GALNT14: variants seen among roughly 807,000 people sequenced by gnomAD.
The protein encoded by GALNT14 is polypeptide N-acetylgalactosaminyltransferase 14.
Under a neutral mutation model 77.5 loss-of-function variants are expected in GALNT14, and 60 were observed. The ratio of observed to expected loss-of-function variants is 0.77; its 90% CI spans 0.63 to 0.96. The LOEUF is 0.96. Ranked by LOEUF, GALNT14 falls within the 40% of genes least tolerant of loss-of-function variation. The pLI, the probability that GALNT14 is intolerant of heterozygous loss-of-function variation, is 0.00. For synonymous variants in GALNT14, 280 were observed against 281.7 expected, an observed-to-expected ratio of 0.99 and a Z score of 0.06; for missense variants, 710 against 731.0, an observed-to-expected ratio of 0.97 and a Z score of 0.33.
intron 2 of GALNT14, among the ~76,000 whole-genome samples, chr2:30,988,668 G>C (rs1193361157): frequency 1.3e-5 from 2 of 152,142 alleles, no homozygotes; most frequent in Admixed American, 6.5e-5. Context: ...AACTTCACCT[G>C]GGCCACAAAA....
intron 11 of GALNT14, among the ~76,000 whole-genome samples, chr2:30,925,858 C>T (rs1017518964): frequency 6.6e-6 from 1 of 152,100 alleles, no homozygotes; most frequent in African/African-American, 2.4e-5. Context: ...ATGGGCAAAG[C>T]TGGGGCCAGG....
chr2:31,101,663 T>C (rs139141040), intron 1 of GALNT14, among the ~76,000 whole-genome samples: 1 of 152,144 alleles, frequency 6.6e-6, no homozygotes, highest in Admixed American at 6.5e-5. Context: ...TCATTCCTTA[T>C]TGTATGCATC....
intron 1 of GALNT14, among the ~76,000 whole-genome samples, chr2:31,039,104 C>T (rs1672940752): frequency 6.6e-6 from 1 of 152,044 alleles, no homozygotes; most frequent in Non-Finnish European, 1.5e-5. Flanking sequence ...TGGTTAATTT[C>T]TAGAGTTAAA....
chr2:30,893,071 AG>A, the GALNT14 span, among the ~76,000 whole-genome samples: 18 of 152,264 alleles, frequency 1.2e-4, no homozygotes, highest in Admixed American at 1.2e-3. Flanking sequence ...AATGTTGTAT[AG>A]CAAACAAAAA....
intron 12 of GALNT14, among the ~76,000 whole-genome samples, chr2:30,924,502 G>A (rs1665237588): frequency 1.3e-5 from 2 of 152,176 alleles, no homozygotes; most frequent in African/African-American, 4.8e-5. Flanking sequence ...GTAAGTCAGG[G>A]CTCAAACCCA....
the GALNT14 span, among the ~76,000 whole-genome samples, chr2:30,903,799 T>A: frequency 6.6e-6 from 1 of 152,216 alleles, no homozygotes; most frequent in African/African-American, 2.4e-5. Flanking sequence ...CAGCAGTGGA[T>A]AACAAAGCCA....
At chr2:30,996,314 A>G (rs1670027204) in intron 1 of GALNT14, among the ~76,000 whole-genome samples, 1 of 152,240 alleles carries the variant, frequency 6.6e-6, no homozygotes, top group Non-Finnish European at 1.5e-5. Flanking sequence ...AGTGAAAGAA[A>G]ACTCCAGAAT....
the GALNT14 span, among the ~76,000 whole-genome samples, chr2:30,902,151 T>TC: frequency 6.6e-6 from 1 of 152,202 alleles, no homozygotes; most frequent in Non-Finnish European, 1.5e-5. Context: ...GGCAAAGGCA[T>TC]CCCTGGGGCT....
chr2:31,073,735 T>C (rs1224826021), intron 1 of GALNT14, among the ~76,000 whole-genome samples: 1 of 152,164 alleles, frequency 6.6e-6, no homozygotes, highest in East Asian at 1.9e-4. Context: ...CTATACATTT[T>C]ATTGTAAGTG....
chr2:30,930,525 A>G (rs1665662279), intron 10 of GALNT14, among the ~76,000 whole-genome samples: 1 of 152,254 alleles, frequency 6.6e-6, no homozygotes, highest in African/African-American at 2.4e-5. Flanking sequence ...CTCAGCCATC[A>G]GGCGTACCAG....
the GALNT14 span, among the ~76,000 whole-genome samples, chr2:30,892,854 G>A: frequency 6.6e-6 from 1 of 152,120 alleles, no homozygotes; most frequent in East Asian, 1.9e-4. Flanking sequence ...ATGAAACTGT[G>A]GCAGGCTAAC....
chr2:30,922,121 C>A (rs914001227), intron 13 of GALNT14, among the ~76,000 whole-genome samples: 1 of 152,150 alleles, frequency 6.6e-6, no homozygotes, highest in African/African-American at 2.4e-5. Context: ...GCTAGTGGGA[C>A]AAGCAGGCAG....
At chr2:31,127,624 A>G (rs1324649960) in intron 1 of GALNT14, among the ~76,000 whole-genome samples, 1 of 152,258 alleles carries the variant, frequency 6.6e-6, no homozygotes, top group Non-Finnish European at 1.5e-5. Context: ...TCCCTAAAAT[A>G]CATAGCATTT....
At chr2:30,896,600 C>G in the GALNT14 span, among the ~76,000 whole-genome samples, 1 of 152,172 alleles carries the variant, frequency 6.6e-6, no homozygotes, top group African/African-American at 2.4e-5. Context: ...TGCTGGGGAC[C>G]AAGCAAGCAC....
At chr2:30,993,250 C>T (rs1669827809) in intron 1 of GALNT14, among the ~76,000 whole-genome samples, 1 of 152,206 alleles carries the variant, frequency 6.6e-6, no homozygotes, top group Non-Finnish European at 1.5e-5. Context: ...GATCTTGACT[C>T]ACATTACTTC....
In GALNT14 at chr2:30,910,656, A is replaced by C; in HGVS notation, c.*245T>G. ...TCTGTCTCCAGATACCAATCAGGGA[A>C]TGACTGGCCAGGACTGGAACTTAAC... On this transcript the variant is annotated 3_prime_UTR_variant, in exon 15 of 15. Coordinates refer to ENST00000349752, the MANE Select transcript of GALNT14 (RefSeq NM_024572.4). 2 of 426,006 alleles carry C rather than the reference A, an allele frequency of 4.7e-6. No homozygotes were observed. Among genetic ancestry groups the C allele is most frequent in the Non-Finnish European group, 8.4e-6 (2 of 239,162 alleles). The allele number at this position is 426,006 out of a possible 1,614,324, so 26.4% of individuals were successfully genotyped here.
chr2:31,083,758 G>A (rs1676272330), intron 1 of GALNT14, among the ~76,000 whole-genome samples: 1 of 152,208 alleles, frequency 6.6e-6, no homozygotes, highest in Non-Finnish European at 1.5e-5. Flanking sequence ...ATGGTTCAGT[G>A]GGCAGGCACT....
At chr2:30,908,586 A>G (rs1319992842), downstream of GALNT14, among the ~76,000 whole-genome samples, 1 of 144,888 alleles carries the variant, frequency 6.9e-6, no homozygotes, top group Non-Finnish European at 1.5e-5. Flanking sequence ...AGAACATTCC[A>G]TGCTCATGGG....
intron 6 of GALNT14, among the ~76,000 whole-genome samples, chr2:30,949,936 G>T (rs1454191712): frequency 6.6e-6 from 1 of 152,198 alleles, no homozygotes; most frequent in Non-Finnish European, 1.5e-5. Context: ...GACATTGTGG[G>T]GAAAGACAAG....
Sources: gnomAD v4.1 joint callset for allele counts (sites outside exome capture counted in the v4.1 genomes callset) on GRCh38, gnomAD v4.1.1 for gene constraint, MANE v1.5 for transcripts, NCBI Gene and HGNC (gene_info 2026-07-23, HGNC 2026-07-21) for gene names.